The following CNTN5 variants were observed in gnomAD, a reference collection of about 807,000 sequenced individuals.
CNTN5 encodes the protein contactin 5, also known as contactin-5.
In CNTN5, 77 loss-of-function variants were observed where a neutral mutation model predicts 129.1. That is an observed-to-expected ratio of 0.60 (90% CI 0.50 to 0.72). The LOEUF (loss-of-function observed/expected upper bound fraction) is 0.72, where lower values mean the gene tolerates loss of function less well. Ranked by LOEUF, CNTN5 falls within the 30% of genes least tolerant of loss-of-function variation. The pLI is 0.00. For synonymous variants in CNTN5, 509 were observed against 465.6 expected, an observed-to-expected ratio of 1.09 and a Z score of -1.20; for missense variants, 1,478 against 1,328.8, an observed-to-expected ratio of 1.11 and a Z score of -1.75.
intron 13 of CNTN5, among the ~76,000 whole-genome samples, chr11:100,149,893 C>CAAAA (rs36016957): frequency 4.3e-5 from 5 of 117,144 alleles, no homozygotes; most frequent in African/African-American, 1.3e-4. Context: ...GACTCCATCT[C>CAAAA]AAAAAAAAAA....
chr11:99,752,988 A>C (rs144960964), intron 3 of CNTN5, among the ~76,000 whole-genome samples: 12 of 152,136 alleles, frequency 7.9e-5, no homozygotes, highest in African/African-American at 2.9e-4. Flanking sequence ...CTTTTTGACT[A>C]TAACCTATAG....
At chr11:99,418,343 G>C (rs542379868) in intron 2 of CNTN5, among the ~76,000 whole-genome samples, 5 of 152,068 alleles carry the variant, frequency 3.3e-5, no homozygotes, top group African/African-American at 1.2e-4. Context: ...AATAATTTTT[G>C]CTTGTTTTGG....
chr11:99,375,424 G>A (rs551214293), intron 2 of CNTN5, among the ~76,000 whole-genome samples: 1 of 151,446 alleles, frequency 6.6e-6, no homozygotes, highest in Non-Finnish European at 1.5e-5. Context: ...AGGGATAGAA[G>A]AGTCTAGATA....
At chr11:99,207,209 T>C (rs1232110188) in intron 1 of CNTN5, among the ~76,000 whole-genome samples, 1 of 152,146 alleles carries the variant, frequency 6.6e-6, no homozygotes, top group Non-Finnish European at 1.5e-5. Flanking sequence ...TTTAATAATG[T>C]TAACACCAAT....
rs760676330 is a variant in CNTN5, at chr11:100,071,784, C to T, written c.1379C>T (p.Ala460Val). Residue 460 changes from alanine to valine, a missense_variant, in exon 12 of 25, where the codon GCT becomes GTT. Physicochemically the swap from Ala to Val is moderately conservative, Grantham distance 64 (BLOSUM62 0). Transcript: ENST00000524871. The part of the protein sequence containing the change: ...QSDAGMYQCL[A>V]ENKYGAIYAS... ...GATGCTGGAATGTATCAGTGTTTGGCTGAAAATAAGTATGGAGCCATTTAC... is the reference window on the plus strand; with the variant it reads ...GATGCTGGAATGTATCAGTGTTTGGTTGAAAATAAGTATGGAGCCATTTAC... 3.7e-6 allele frequency: 6 copies of T among 1,606,618 alleles called. No individual in the cohort carries two copies. In the Admixed American group the frequency reaches 1.0e-4, roughly 27 times the overall value.
chr11:99,331,964 G>C (rs2136028381), intron 2 of CNTN5, among the ~76,000 whole-genome samples: 1 of 152,174 alleles, frequency 6.6e-6, no homozygotes, highest in East Asian at 1.9e-4. Context: ...ACGTGGAATA[G>C]AGTCATCCCA....
chr11:99,123,654 G>GTT (rs35040329), intron 1 of CNTN5, among the ~76,000 whole-genome samples: 236 of 141,194 alleles, frequency 1.7e-3, no homozygotes, highest in African/African-American at 5.6e-3. Context: ...ATCTTCCAGG[G>GTT]TTTTTTTTTT....
At chr11:100,328,054 A>G (rs894286157) in intron 21 of CNTN5, among the ~76,000 whole-genome samples, 1 of 152,102 alleles carries the variant, frequency 6.6e-6, no homozygotes, top group African/African-American at 2.4e-5. Flanking sequence ...TTGTATTTTT[A>G]AAACCTAACA....
chr11:99,931,964 A>G (rs1287675852), intron 7 of CNTN5, among the ~76,000 whole-genome samples: 2 of 152,144 alleles, frequency 1.3e-5, no homozygotes, highest in Non-Finnish European at 2.9e-5. Flanking sequence ...GAAACCTCCA[A>G]TATCTCCCCA....
chr11:99,044,575 A>C (rs765967018), intron 1 of CNTN5, among the ~76,000 whole-genome samples: 1 of 152,116 alleles, frequency 6.6e-6, no homozygotes, highest in Non-Finnish European at 1.5e-5. Context: ...AAAGAGGCCT[A>C]CCTATGCAGG....
chr11:100,085,176 T>C (rs1211635334), intron 13 of CNTN5, among the ~76,000 whole-genome samples: 1 of 151,992 alleles, frequency 6.6e-6, no homozygotes, highest in Admixed American at 6.6e-5. Flanking sequence ...CTTCCGGTCT[T>C]TTTTTCTGGG....
At chr11:99,334,977 T>C (rs191853505) in intron 2 of CNTN5, among the ~76,000 whole-genome samples, 16 of 152,290 alleles carry the variant, frequency 1.1e-4, no homozygotes, top group African/African-American at 3.6e-4. Context: ...CAAATAGACA[T>C]GCTTGAAACA....
intron 1 of CNTN5, among the ~76,000 whole-genome samples, chr11:99,184,887 A>G (rs539878124): frequency 4.6e-5 from 7 of 152,158 alleles, no homozygotes; most frequent in African/African-American, 1.7e-4. Flanking sequence ...TCATTGATAA[A>G]AGACTAGTCA....
At position 99,377,285 on chromosome 11, in the gene CNTN5, C is replaced by T. The variant is rs533610233; in HGVS notation, c.-71+51801C>T. 1.9e-4 allele frequency among the ~76,000 whole-genome samples: 29 copies of T among 151,938 alleles called. No individual in the cohort carries two copies. In the Middle Eastern group the frequency reaches 0.014, roughly 71 times the overall value. On this transcript the variant is annotated intron_variant, in intron 2 of 24. Transcript: ENST00000524871. ...AGTATCTTTATATTTTTCTTATATT[C>T]GTATATCTTTATAGAGTGGTCTTGT...
At chr11:99,221,556 G>GA (rs1159819361) in intron 1 of CNTN5, among the ~76,000 whole-genome samples, 9 of 151,664 alleles carry the variant, frequency 5.9e-5, no homozygotes, top group African/African-American at 1.9e-4. Flanking sequence ...TCCCCTGATG[G>GA]AAAAAAATGT....
chr11:99,623,038 T>A (rs1951005877), intron 3 of CNTN5, among the ~76,000 whole-genome samples: 1 of 152,194 alleles, frequency 6.6e-6, no homozygotes, highest in Admixed American at 6.5e-5. Context: ...CATTGCCTTC[T>A]TTGTTATAGA....
At chr11:100,042,797 A>G (rs2137687902) in intron 9 of CNTN5, among the ~76,000 whole-genome samples, 1 of 152,292 alleles carries the variant, frequency 6.6e-6, no homozygotes, top group Non-Finnish European at 1.5e-5. Context: ...TCCTGTTATT[A>G]AGAGATATTT....
At chr11:99,889,971 T>C (rs1435549607) in intron 6 of CNTN5, among the ~76,000 whole-genome samples, 1 of 152,210 alleles carries the variant, frequency 6.6e-6, no homozygotes, top group African/African-American at 2.4e-5. Flanking sequence ...CTCGATAAGA[T>C]CACCTTTTTC....
At chr11:99,357,028 T>C (rs1938722211) in intron 2 of CNTN5, among the ~76,000 whole-genome samples, 2 of 152,206 alleles carry the variant, frequency 1.3e-5, no homozygotes, top group African/African-American at 4.8e-5. Context: ...TGCTAAGCTC[T>C]TAATTTATTT....
Sources: gnomAD v4.1 joint callset for allele counts (sites outside exome capture counted in the v4.1 genomes callset) on GRCh38, gnomAD v4.1.1 for gene constraint, MANE v1.5 for transcripts, NCBI Gene and HGNC (gene_info 2026-07-23, HGNC 2026-07-21) for gene names.